Variants in C3orf22 observed in about 807,000 individuals in gnomAD.
C3orf22 encodes uncharacterized protein C3orf22.
C3orf22 carries 7 observed loss-of-function variants against 10.8 expected under a neutral mutation model. The ratio of observed to expected loss-of-function variants is 0.65; its 90% CI spans 0.37 to 1.22. The LOEUF is 1.22. C3orf22 is among the 50% of genes most tolerant of loss of function. The pLI, the probability that C3orf22 is intolerant of heterozygous loss-of-function variation, is 0.02. For synonymous variants in C3orf22, 79 were observed against 78.9 expected (o/e 1.00, Z 0.00); for missense variants, 173 against 177.0 (o/e 0.98, Z 0.13).
At chr3:126,540,735 A>G (rs1936940311) in intron 4 of C3orf22, among the ~76,000 whole-genome samples, 1 of 152,200 alleles carries the variant, frequency 6.6e-6, no homozygotes, top group African/African-American at 2.4e-5. Context: ...GAATATGCCT[A>G]GGACCGGAAT....
rs1312952556 is a variant in C3orf22 at position 126,541,661 on chromosome 3, G to A, written c.286+7876C>T. The A allele has an allele frequency of 9.1e-6, 12 of 1,320,120 alleles. No individual in the cohort carries two copies. The South Asian group carries it at 1.8e-4, about 20-fold the overall frequency. 81.8% of individuals were successfully genotyped at this position (1,320,120 alleles called of 1,614,324 possible). A position where few individuals can be genotyped will look rare whatever the true frequency, so the allele number is the denominator to read the frequency against. ...TCCCAATTCCCGGGCGCATCCCGCCGGGGCAGCGCCAGAGTCAGGGAGCCC... is the reference window on the plus strand; with the variant it reads ...TCCCAATTCCCGGGCGCATCCCGCCAGGGCAGCGCCAGAGTCAGGGAGCCC... On this transcript the variant is annotated intron_variant and NMD_transcript_variant, in intron 4 of 5. Transcript: ENST00000505070.
At chr3:126,528,741 A>G (rs1428117177) in intron 5 of C3orf22, among the ~76,000 whole-genome samples, 2 of 152,174 alleles carry the variant, frequency 1.3e-5, no homozygotes, top group Non-Finnish European at 2.9e-5. Flanking sequence ...TGTGGAGTTC[A>G]GCAAATGGAG....
At chr3:126,555,584 T>C (rs1236762587) in intron 1 of C3orf22, among the ~76,000 whole-genome samples, 2 of 152,174 alleles carry the variant, frequency 1.3e-5, no homozygotes, top group East Asian at 1.9e-4. Context: ...GAATCTAGGC[T>C]GCATGCTCCT....
At chr3:126,536,663 C>T (rs1056304949) in intron 4 of C3orf22, among the ~76,000 whole-genome samples, 1 of 152,032 alleles carries the variant, frequency 6.6e-6, no homozygotes, top group Admixed American at 6.6e-5. Context: ...TTTACAGTCT[C>T]GTGGGAGACT....
At chr3:126,544,674 C>A (rs148597361) in intron 4 of C3orf22, among the ~76,000 whole-genome samples, 2,206 of 152,320 alleles carry the variant, frequency 0.014, 44 homozygotes, top group African/African-American at 0.049. Context: ...AAACTGACAC[C>A]CATCTGGATG....
downstream of C3orf22, among the ~76,000 whole-genome samples, chr3:126,548,153 C>A (rs1207899555): frequency 6.6e-6 from 1 of 152,168 alleles, no homozygotes; most frequent in Admixed American, 6.5e-5. Flanking sequence ...TGCCACCATG[C>A]CCAGCTAATT....
intron 1 of C3orf22, among the ~76,000 whole-genome samples, chr3:126,557,987 G>GC (rs569566552): frequency 0.95 from 144,683 of 152,154 alleles, 68,892 homozygotes; most frequent in East Asian, 1. Context: ...CCAGGCCCCA[G>GC]CTCAGCCCCT....
At chr3:126,554,072 G>A (rs1197490038) in intron 1 of C3orf22, among the ~76,000 whole-genome samples, 5 of 151,908 alleles carry the variant, frequency 3.3e-5, no homozygotes, top group Admixed American at 2.0e-4. Context: ...CTGGAGTGCC[G>A]TGGTTGATCA....
intron 1 of C3orf22, among the ~76,000 whole-genome samples, chr3:126,556,677 G>GAC (rs1341986569): frequency 6.8e-6 from 1 of 147,854 alleles, no homozygotes; most frequent in Non-Finnish European, 1.5e-5. Flanking sequence ...CACTCTCACA[G>GAC]ACACACACAC....
intron 1 of C3orf22, among the ~76,000 whole-genome samples, chr3:126,557,049 TACACAGACTC>T (rs1937363341): frequency 6.7e-6 from 1 of 148,446 alleles, no homozygotes; most frequent in African/African-American, 2.5e-5. Context: ...CAGATTCACA[TACACAGACTC>T]ACACATTCAC....
intron 4 of C3orf22, among the ~76,000 whole-genome samples, chr3:126,533,186 GT>G (rs1294329610): frequency 6.6e-6 from 1 of 152,084 alleles, no homozygotes; most frequent in Non-Finnish European, 1.5e-5. Flanking sequence ...AATAGACAAA[GT>G]TTTACTTATT....
intron 1 of C3orf22, among the ~76,000 whole-genome samples, chr3:126,554,902 G>A (rs1576252160): frequency 6.6e-6 from 1 of 152,202 alleles, no homozygotes; most frequent in East Asian, 1.9e-4. Context: ...TCTGGGACTA[G>A]CACCATCCAG....
At chr3:126,556,993 CAT>C (rs776353783) in intron 1 of C3orf22, among the ~76,000 whole-genome samples, 17 of 121,420 alleles carry the variant, frequency 1.4e-4, no homozygotes, top group East Asian at 5.1e-4. Flanking sequence ...CATACAGACA[CAT>C]AGACACATAC....
intron 5 of C3orf22, among the ~76,000 whole-genome samples, chr3:126,528,080 T>TGCAGAGAA (rs1936572607): frequency 6.6e-6 from 1 of 151,002 alleles, no homozygotes; most frequent in South Asian, 2.1e-4. Flanking sequence ...GCAGAAGGAA[T>TGCAGAGAA]GGCACAGAGA....
chr3:126,528,652 C>T (rs1162045023), intron 5 of C3orf22, among the ~76,000 whole-genome samples: 2 of 152,002 alleles, frequency 1.3e-5, no homozygotes, highest in African/African-American at 2.4e-5. Context: ...AAGTGGGGTC[C>T]GGAGGGTTCT....
intron 1 of C3orf22, among the ~76,000 whole-genome samples, chr3:126,555,238 C>T (rs1232680285): frequency 2.0e-5 from 3 of 152,208 alleles, no homozygotes; most frequent in Non-Finnish European, 2.9e-5. Context: ...GTCAAGGTGA[C>T]CCCTGATGCG....
intron 1 of C3orf22, among the ~76,000 whole-genome samples, chr3:126,555,717 G>A (rs1234518946): frequency 6.6e-6 from 1 of 152,122 alleles, no homozygotes; most frequent in African/African-American, 2.4e-5. Context: ...GTGCCAAAAA[G>A]GTTAGGGACC....
intron 1 of C3orf22, among the ~76,000 whole-genome samples, chr3:126,553,740 T>C (rs1209929403): frequency 6.6e-6 from 1 of 152,150 alleles, no homozygotes; most frequent in African/African-American, 2.4e-5. Context: ...AGCCATGTGA[T>C]TTCAGGAGCG....
At chr3:126,536,881 TCACACACACACACAAACACACA>T (rs892736198) in intron 4 of C3orf22, among the ~76,000 whole-genome samples, 2 of 117,808 alleles carry the variant, frequency 1.7e-5, no homozygotes, top group Non-Finnish European at 3.4e-5. Context: ...TCTCTCTTTC[TCACACACACACACAAACACACA>T]CACACACACA....
Sources: allele counts gnomAD v4.1 joint callset (sites outside exome capture counted in the v4.1 genomes callset), GRCh38; gene constraint gnomAD v4.1.1; transcripts MANE v1.5; gene names NCBI Gene and HGNC (gene_info 2026-07-23, HGNC 2026-07-21).